SLAIN2: variants seen among roughly 807,000 people sequenced by gnomAD.
The protein encoded by SLAIN2 is SLAIN family member 2, also known as SLAIN motif-containing protein 2.
Under a neutral mutation model 56.6 loss-of-function variants are expected in SLAIN2, and 31 were observed. That is an observed-to-expected ratio of 0.55 (90% confidence interval 0.41 to 0.74). The LOEUF is 0.74. SLAIN2 is among the 30% of genes least tolerant of loss of function. SLAIN2 has a pLI of 0.00. For missense variants in SLAIN2, 777 were observed against 754.2 expected (o/e 1.03, Z -0.35); for synonymous variants, 317 against 284.9 (o/e 1.11, Z -1.13).
intron 1 of SLAIN2, among the ~76,000 whole-genome samples, chr4:48,366,061 A>G (rs1379890596): frequency 6.6e-6 from 1 of 152,154 alleles, no homozygotes; most frequent in Admixed American, 6.5e-5. Flanking sequence ...CTTGTGATAC[A>G]TTGTTTGACC....
At chr4:48,418,006 G>C (rs1717041761) in intron 6 of SLAIN2, among the ~76,000 whole-genome samples, 1 of 151,972 alleles carries the variant, frequency 6.6e-6, no homozygotes, top group African/African-American at 2.4e-5. Flanking sequence ...TGTGTGTGTA[G>C]ATTCATTGGG....
intron 6 of SLAIN2, among the ~76,000 whole-genome samples, chr4:48,412,316 G>GGGCA (rs1553905087): frequency 6.6e-6 from 1 of 150,452 alleles, no homozygotes; most frequent in Non-Finnish European, 1.5e-5. Flanking sequence ...TACCAGGGTG[G>GGGCA]AGATATCTAA....
intron 1 of SLAIN2, among the ~76,000 whole-genome samples, chr4:48,355,042 T>G (rs1715121434): frequency 6.6e-6 from 1 of 152,104 alleles, no homozygotes; most frequent in Non-Finnish European, 1.5e-5. Flanking sequence ...CCACCATACC[T>G]GGCTGATTTT....
At chr4:48,391,509 A>T (rs545038265) in intron 6 of SLAIN2, among the ~76,000 whole-genome samples, 1 of 152,342 alleles carries the variant, frequency 6.6e-6, no homozygotes, top group South Asian at 2.1e-4. Flanking sequence ...TTGCTGGGGC[A>T]TGATGATAAT....
At chr4:48,355,279 G>A (rs1297772206) in intron 1 of SLAIN2, among the ~76,000 whole-genome samples, 1 of 152,192 alleles carries the variant, frequency 6.6e-6, no homozygotes, top group Admixed American at 6.5e-5. Context: ...GTGCCAGGAA[G>A]TTTTCTTTGG....
intron 1 of SLAIN2, among the ~76,000 whole-genome samples, chr4:48,352,701 A>G (rs1006078118): frequency 2.0e-5 from 3 of 152,228 alleles, no homozygotes; most frequent in Non-Finnish European, 2.9e-5. Context: ...TATGGTGTCA[A>G]CATGACCAGA....
At chr4:48,361,365 A>G (rs1362703886) in intron 1 of SLAIN2, among the ~76,000 whole-genome samples, 2 of 152,196 alleles carry the variant, frequency 1.3e-5, no homozygotes, top group African/African-American at 4.8e-5. Flanking sequence ...TATGGCTGCT[A>G]TTTAAATATG....
intron 6 of SLAIN2, among the ~76,000 whole-genome samples, chr4:48,414,227 A>G (rs1412332804): frequency 2.6e-5 from 4 of 152,214 alleles, no homozygotes; most frequent in East Asian, 1.9e-4. Context: ...TAACTTGTCA[A>G]TATCAATTTG....
intron 1 of SLAIN2, among the ~76,000 whole-genome samples, chr4:48,368,173 C>A (rs920703832): frequency 6.6e-6 from 1 of 150,750 alleles, no homozygotes. Context: ...CTCAGCCTCC[C>A]GAGTAGCTGG....
rs1365551810 is a variant in SLAIN2 at position 48,424,065 on chromosome 4, G to T, written c.*1988G>T. 1 of 152,010 alleles carries T rather than the reference G, an allele frequency of 6.6e-6. No homozygotes were observed. Among genetic ancestry groups the T allele is most frequent in the Non-Finnish European group, 1.5e-5 (1 of 67,972 alleles). 9.4% of individuals were successfully genotyped at this position (152,010 alleles called of 1,614,324 possible). ...TTATGAAACATATTACATTTTTTAA[G>T]TTAGATAATCAGTTTCAAAAGGAGT... On this transcript the variant is annotated 3_prime_UTR_variant, in exon 8 of 8. Coordinates refer to ENST00000264313, the MANE Select transcript of SLAIN2 (RefSeq NM_020846.2).
intron 1 of SLAIN2, among the ~76,000 whole-genome samples, chr4:48,350,954 A>T (rs1050481585): frequency 6.6e-6 from 1 of 152,242 alleles, no homozygotes; most frequent in African/African-American, 2.4e-5. Context: ...TGGAAAGATA[A>T]GACAAAGGAA....
chr4:48,347,536 A>G (rs1020397050), intron 1 of SLAIN2, among the ~76,000 whole-genome samples: 22 of 152,356 alleles, frequency 1.4e-4, no homozygotes, highest in African/African-American at 4.8e-4. Context: ...GGCGTGAGCC[A>G]TCGTGCTCAG....
rs150345100 is a variant in SLAIN2, at chr4:48,347,427, T to G, written c.389+5299T>G. Among the ~76,000 whole-genome samples the G allele has an allele frequency of 8.8e-4, 133 of 151,862 alleles. 1 individual carries two copies. In the East Asian group the frequency reaches 0.022, roughly 26 times the overall value. On this transcript the variant is annotated intron_variant, in intron 1 of 7. Transcript: ENST00000264313. ...TGCCTGGCTAATTTATTTTTTATGT[T>G]TTGTAGAGATAGGGTCTCACTATGT...
At chr4:48,377,085 A>G (rs1715837172) in intron 2 of SLAIN2, among the ~76,000 whole-genome samples, 1 of 151,764 alleles carries the variant, frequency 6.6e-6, no homozygotes, top group Non-Finnish European at 1.5e-5. Flanking sequence ...TCACCCCTGT[A>G]ATCCCAGCAC....
chr4:48,372,966 T>C (rs1366546919), intron 2 of SLAIN2, among the ~76,000 whole-genome samples: 1 of 152,146 alleles, frequency 6.6e-6, no homozygotes, highest in African/African-American at 2.4e-5. Flanking sequence ...GAACAGTTAT[T>C]ACTCCTTCAC....
At chr4:48,414,418 T>C (rs1453238741) in intron 6 of SLAIN2, among the ~76,000 whole-genome samples, 1 of 152,212 alleles carries the variant, frequency 6.6e-6, no homozygotes, top group East Asian at 1.9e-4. Context: ...ACAATTTGTT[T>C]AATATTTTAC....
intron 6 of SLAIN2, among the ~76,000 whole-genome samples, chr4:48,392,409 C>T (rs759055405): frequency 2.0e-5 from 3 of 152,158 alleles, no homozygotes; most frequent in Non-Finnish European, 4.4e-5. Flanking sequence ...AGGATCCTTC[C>T]AGACGAGTTC....
intron 2 of SLAIN2, among the ~76,000 whole-genome samples, chr4:48,374,916 G>A (rs368009421): frequency 4.6e-4 from 70 of 152,288 alleles, no homozygotes; most frequent in African/African-American, 6.7e-4. Flanking sequence ...ATGTTAGTGC[G>A]AAGATCATGA....
chr4:48,379,673 C>CTTT lies in SLAIN2; in HGVS notation c.704-6_704-4dup. The CTTT allele has an allele frequency of 1.0e-5, 12 of 1,144,474 alleles. No individual in the cohort carries two copies. The highest frequency in any genetic ancestry group is 4.8e-5 in the South Asian group (2 of 41,940). 70.9% of individuals were successfully genotyped at this position (1,144,474 alleles called of 1,614,324 possible). A position where few individuals can be genotyped will look rare whatever the true frequency, so the allele number is the denominator to read the frequency against. On this transcript the variant is annotated splice_polypyrimidine_tract_variant and intron_variant, in intron 3 of 7. Transcript: ENST00000264313. ...GCTTTACCAGAGTTTGAATTTTTTT[C>CTTT]TTTTTTTTTTTTTAAGGTAACTTGA...
Sources: gnomAD v4.1 joint callset for allele counts (sites outside exome capture counted in the v4.1 genomes callset) on GRCh38, gnomAD v4.1.1 for gene constraint, MANE v1.5 for transcripts, NCBI Gene and HGNC (gene_info 2026-07-23, HGNC 2026-07-21) for gene names.